WNT5A: variants seen among roughly 807,000 people sequenced by gnomAD.
WNT5A encodes the protein protein Wnt-5a.
In WNT5A, 9 loss-of-function variants were observed where a neutral mutation model predicts 42.1. The ratio of observed to expected loss-of-function variants is 0.21; its 90% confidence interval spans 0.13 to 0.37. WNT5A has a LOEUF of 0.37. Among genes scored for constraint, WNT5A ranks in the 10% least tolerant of loss-of-function variants. WNT5A has a pLI of 1.00. For synonymous variants in WNT5A, 210 were observed against 210.0 expected (o/e 1.00, Z 0.00); for missense variants, 426 against 534.0 (o/e 0.80, Z 1.99).
At chr3:55,471,337 C>T (rs781304392) in intron 4 of WNT5A, among the ~76,000 whole-genome samples, 1 of 152,156 alleles carries the variant, frequency 6.6e-6, no homozygotes, top group African/African-American at 2.4e-5. Context: ...GTTTCCCACA[C>T]AGTCCCTACC....
At chr3:55,484,685 TACACACACACACACACAC>T (rs67013864) in intron 1 of WNT5A, among the ~76,000 whole-genome samples, 10,040 of 137,764 alleles carry the variant, frequency 0.073, 815 homozygotes, top group South Asian at 0.18. Flanking sequence ...GGCCCCAGGA[TACACACACACACACACAC>T]ACACACACAC....
chr3:55,482,233 A>G (rs954653696), intron 1 of WNT5A, among the ~76,000 whole-genome samples: 12 of 152,324 alleles, frequency 7.9e-5, no homozygotes, highest in Admixed American at 6.5e-4. Context: ...CCCTTCCTGA[A>G]GAATTTCAGG....
intron 1 of WNT5A, among the ~76,000 whole-genome samples, chr3:55,482,406 A>G (rs1388529536): frequency 6.6e-6 from 1 of 152,198 alleles, no homozygotes; most frequent in Non-Finnish European, 1.5e-5. Context: ...TGCATCGCCC[A>G]TAGCCCCTGA....
At chr3:55,476,230 C>T (rs2051354391) in intron 3 of WNT5A, among the ~76,000 whole-genome samples, 1 of 152,134 alleles carries the variant, frequency 6.6e-6, no homozygotes, top group Admixed American at 6.5e-5. Context: ...CCAGTCACAG[C>T]CATTTGTGAA....
intron 2 of WNT5A, 41 bp from the exon 3 acceptor site, chr3:55,479,605 T>G: frequency 6.5e-7 from 1 of 1,533,352 alleles, no homozygotes; most frequent in Non-Finnish European, 8.8e-7. Flanking sequence ...TTACGTGAAA[T>G]CTCGAGGTGG....
intron 1 of WNT5A, 95 bp downstream of exon 1, chr3:55,486,885 T>C: frequency 1.1e-6 from 1 of 878,362 alleles, no homozygotes; most frequent in South Asian, 1.4e-5. Flanking sequence ...GTTGGGGAAA[T>C]GGAGGGATAG....
chr3:55,466,222 T>A lies in WNT5A; in HGVS notation c.*3870A>T, dbSNP rs1044634217. The A allele has an allele frequency of 6.6e-6, 1 of 152,122 alleles. No homozygotes were observed. Among genetic ancestry groups the A allele is most frequent in the Non-Finnish European group, 1.5e-5 (1 of 68,026 alleles). 9.4% of individuals were successfully genotyped at this position (152,122 alleles called of 1,614,324 possible). A position where few individuals can be genotyped will look rare whatever the true frequency, so the allele number is the denominator to read the frequency against. On this transcript the variant is annotated 3_prime_UTR_variant, in exon 5 of 5. Transcript: ENST00000264634. ...TTAAAAGTATAGCTTACAGTGACAA[T>A]GTAGTATTTTAGACCTGTGCCTTCG...
upstream of WNT5A, chr3:55,493,898 A>G (rs1199529027): frequency 6.6e-6 from 1 of 152,254 alleles, no homozygotes; most frequent in Non-Finnish European, 1.5e-5. Flanking sequence ...GAAAGACGGT[A>G]TCCCATTTAC....
the WNT5A span, among the ~76,000 whole-genome samples, chr3:55,496,796 T>C: frequency 1.3e-5 from 2 of 152,342 alleles, no homozygotes; most frequent in Non-Finnish European, 2.9e-5. Context: ...TATTTCAAAA[T>C]TTGCCAACAG....
At chr3:55,501,498 A>G in the WNT5A span, 4 of 152,232 alleles carry the variant, frequency 2.6e-5, no homozygotes, top group Non-Finnish European at 5.9e-5. Flanking sequence ...GAACGTAGAA[A>G]GGTTTAGGGA....
At position 55,470,449 on chromosome 3, in the gene WNT5A, C is replaced by T. The variant is rs775406671; in HGVS notation, c.786G>A (p.Val262=). 6.2e-7 allele frequency: 1 copy of T among 1,610,882 alleles called. No homozygotes were observed. The highest frequency in any genetic ancestry group is 8.5e-7 in the Non-Finnish European group (1 of 1,178,566). ...CWLQLADFRK[V]GDALKEKYDS... ...CGTACTTCTCCTTCAGGGCATCACC[C>T]ACCTTGCGGAAGTCTGCCAGCTGCA... Residue 262 remains valine (V), a synonymous_variant, in exon 5 of 5, where the codon GTG becomes GTA. Transcript: ENST00000264634.
intron 3 of WNT5A, 124 bp downstream of exon 3, chr3:55,479,190 A>C: frequency 8.8e-7 from 1 of 1,132,016 alleles, no homozygotes; most frequent in Non-Finnish European, 1.2e-6. Context: ...AAAATGCCCA[A>C]GCCACCACCC....
In WNT5A at chr3:55,470,123, G is replaced by A. The variant is rs984934479; in HGVS notation, c.1112C>T (p.Thr371Met). The A allele has an allele frequency of 1.7e-5, 27 of 1,614,016 alleles. No homozygotes were observed. Among genetic ancestry groups the A allele is most frequent in the Non-Finnish European group, 2.2e-5 (26 of 1,180,000 alleles). The change falls in exon 5 of 5, where the codon ACG becomes ATG. Residue 371 changes from threonine to methionine, a missense_variant. Thr to Met is a moderately conservative substitution (Grantham distance 81). Around this residue, in one of 3 missense-constraint regions of WNT5A, gnomAD observed 358 missense variants for 468.1 expected, o/e 0.76. Transcript: ENST00000264634. ...WCCYVKCKKC[T>M]EIVDQFVCK The stretch of plus-strand genomic sequence containing the variant: ...GCACACAAACTGGTCCACGATCTCC[G>A]TGCACTTCTTGCACTTGACGTAGCA...
upstream of WNT5A, among the ~76,000 whole-genome samples, chr3:55,489,686 AG>A (rs1268179147): frequency 6.6e-6 from 1 of 152,068 alleles, no homozygotes; most frequent in Non-Finnish European, 1.5e-5. Flanking sequence ...CCTTAAGGAG[AG>A]GGAATCCAAG....
intron 1 of WNT5A, among the ~76,000 whole-genome samples, chr3:55,482,222 T>C (rs1166554403): frequency 6.6e-6 from 1 of 152,190 alleles, no homozygotes; most frequent in African/African-American, 2.4e-5. Context: ...CGGCGAAGGT[T>C]CCCTTCCTGA....
chr3:55,483,555 A>G lies in WNT5A; in HGVS notation c.7-2637T>C, dbSNP rs1307882467. On this transcript the variant is annotated intron_variant, in intron 1 of 4. Transcript: ENST00000264634. This position sits in a 1 kb window ranked among gnomAD's most constrained non-coding sequence, Gnocchi z 4.2. The stretch of plus-strand genomic sequence containing the variant: ...TTCTGATCAGAAACTGAGTTTCCCA[A>G]AGAAGGGGCTAAATGTTTTCCAACA... Among the ~76,000 whole-genome samples the G allele has an allele frequency of 6.6e-6, 1 of 152,152 alleles. No individual in the cohort carries two copies. The highest frequency in any genetic ancestry group is 1.5e-5 in the Non-Finnish European group (1 of 68,040).
chr3:55,477,821 T>A (rs2051385436), intron 3 of WNT5A, among the ~76,000 whole-genome samples: 1 of 152,218 alleles, frequency 6.6e-6, no homozygotes, highest in Non-Finnish European at 1.5e-5. Flanking sequence ...CAGTTCCGAT[T>A]GCTGTTTTCC....
chr3:55,504,341 A>C, the WNT5A span, among the ~76,000 whole-genome samples: 4 of 152,104 alleles, frequency 2.6e-5, no homozygotes, highest in Admixed American at 6.5e-5. Flanking sequence ...GCCTGCCCCC[A>C]AAAAACAAAA....
Position 55,479,418 on chromosome 3 carries a change from C to A in WNT5A, c.287G>T (p.Gly96Val), listed in dbSNP as rs1358232825. 6.2e-7 allele frequency: 1 copy of A among 1,614,004 alleles called. No individual in the cohort carries two copies. Among genetic ancestry groups the A allele is most frequent in the South Asian group, 1.1e-5 (1 of 91,084 alleles). Residue 96 changes from glycine to valine, a missense_variant, in exon 3 of 5, where the codon GGC (glycine) becomes GTC (valine). Coordinates refer to ENST00000264634, the MANE Select transcript of WNT5A (RefSeq NM_003392.7). ...YQDHMQYIGE[G>V]AKTGIKECQY... Reference sequence around the variant, plus strand: ...GCATTCTTTGATGCCTGTCTTCGCGCCTTCTCCGATGTACTGCATGTGGTC... The same window carrying A: ...GCATTCTTTGATGCCTGTCTTCGCGACTTCTCCGATGTACTGCATGTGGTC...
Sources: gnomAD v4.1 joint callset for allele counts (sites outside exome capture counted in the v4.1 genomes callset) on GRCh38, gnomAD v4.1.1 for gene constraint, gnomAD v4.1.1 regional missense constraint, Gnocchi (gnomAD v3.1) non-coding constraint, MANE v1.5 for transcripts, NCBI Gene and HGNC (gene_info 2026-07-23, HGNC 2026-07-21) for gene names.